Variants in DENND2D observed in about 807,000 individuals in gnomAD.
DENND2D encodes DENN domain containing 2D.
DENND2D carries 37 observed loss-of-function variants against 59.8 expected under a neutral mutation model. The ratio of observed to expected loss-of-function variants is 0.62; its 90% CI spans 0.48 to 0.81. The LOEUF is 0.81. Among genes scored for constraint, DENND2D ranks in the 40% least tolerant of loss-of-function variants. The pLI is 0.00. For missense variants in DENND2D, 525 were observed against 579.7 expected (o/e 0.91, Z 0.97); for synonymous variants, 219 against 211.3 (o/e 1.04, Z -0.31).
At chr1:111,190,172 A>AAAAAC (rs1553241771) in intron 8 of DENND2D, among the ~76,000 whole-genome samples, 1 of 149,966 alleles carries the variant, frequency 6.7e-6, no homozygotes, top group Non-Finnish European at 1.5e-5. Flanking sequence ...TCAAAAAAAA[A>AAAAAC]AAAAAAAAAA....
At chr1:111,188,957 A>G (rs1361909781) in intron 9 of DENND2D, among the ~76,000 whole-genome samples, 171 bp from the exon 10 acceptor site, 1 of 152,218 alleles carries the variant, frequency 6.6e-6, no homozygotes, top group Admixed American at 6.5e-5. Flanking sequence ...GACTCTAGAC[A>G]TTAGCAAGGG....
In DENND2D at chr1:111,192,438, C is replaced by T. The variant is rs1427528476; in HGVS notation, c.795-121G>A. 26 of 1,090,458 alleles carry T rather than the reference C, an allele frequency of 2.4e-5. No homozygotes were observed. The Admixed American group carries it at 5.1e-4, about 21-fold the overall frequency. 67.5% of individuals were successfully genotyped at this position (1,090,458 alleles called of 1,614,324 possible). On this transcript the variant is annotated intron_variant, in intron 7 of 11. Coordinates refer to ENST00000357640, the MANE Select transcript of DENND2D (RefSeq NM_024901.5). ...CTGCCCATGCCCATGGGCAGAAAGGCAAGTCTGGGGGCCATGCTGGTCACA... is the reference window on the plus strand; with the variant it reads ...CTGCCCATGCCCATGGGCAGAAAGGTAAGTCTGGGGGCCATGCTGGTCACA...
rs1658564713 is a variant in DENND2D, at chr1:111,199,283, G to C, written c.243+340C>G. On this transcript the variant is annotated intron_variant, in intron 2 of 11. Coordinates refer to ENST00000357640, the MANE Select transcript of DENND2D (RefSeq NM_024901.5). ...CATCCCAGAGAGGGGATTCATTCTAGGAGTTCTGGCAGAAGGTAAGCTTCT... is the reference window on the plus strand; with the variant it reads ...CATCCCAGAGAGGGGATTCATTCTACGAGTTCTGGCAGAAGGTAAGCTTCT... 2.0e-5 allele frequency among the ~76,000 whole-genome samples: 3 copies of C among 152,190 alleles called. No homozygotes were observed. The South Asian group carries it at 6.2e-4, about 32-fold the overall frequency.
Position 111,197,266 on chromosome 1 carries a change from A to G in DENND2D, c.427-13T>C, listed in dbSNP as rs1218911773. The G allele has an allele frequency of 6.2e-7, 1 of 1,608,614 alleles. No individual in the cohort carries two copies. The highest frequency in any genetic ancestry group is 8.5e-7 in the Non-Finnish European group (1 of 1,178,050). Reference sequence around the variant, plus strand: ...CAGGGCCGGCAGGCTGGGGAGGGACAGAGAGGCTCCTTCAGTGCTGCAGCC... The same window carrying G: ...CAGGGCCGGCAGGCTGGGGAGGGACGGAGAGGCTCCTTCAGTGCTGCAGCC... On this transcript the variant is annotated splice_polypyrimidine_tract_variant and intron_variant, in intron 4 of 11. Transcript: ENST00000357640.
chr1:111,202,602 C>T (rs964002622), upstream of DENND2D, among the ~76,000 whole-genome samples: 1 of 151,902 alleles, frequency 6.6e-6, no homozygotes, highest in Non-Finnish European at 1.5e-5. Context: ...GTGAGGGGAC[C>T]TTCTGGAACC....
At chr1:111,196,993 A>G (rs552169227) in intron 5 of DENND2D, 183 bp downstream of exon 5, 2 of 658,016 alleles carry the variant, frequency 3.0e-6, no homozygotes, top group South Asian at 3.8e-5. Context: ...AGTCCCCTAG[A>G]TTCAATTTCC....
rs1173746137 is a variant in DENND2D, at chr1:111,198,003, G to A, written c.357-14C>T. 3 of 1,612,702 alleles carry A rather than the reference G, an allele frequency of 1.9e-6. No homozygotes were observed. Among genetic ancestry groups the A allele is most frequent in the Non-Finnish European group, 1.7e-6 (2 of 1,179,208 alleles). On this transcript the variant is annotated splice_polypyrimidine_tract_variant and intron_variant, in intron 3 of 11. Coordinates refer to ENST00000357640, the MANE Select transcript of DENND2D (RefSeq NM_024901.5). ...GAGAAGGTCTCCCTAAGAAAGAGCA[G>A]ACAAGGCTTGATTTGTATTGCTCAC...
intron 1 of DENND2D, 56 bp downstream of exon 1, chr1:111,200,337 A>C: frequency 6.3e-7 from 1 of 1,579,110 alleles, no homozygotes; most frequent in Non-Finnish European, 8.6e-7. Flanking sequence ...AGGAAGAAAC[A>C]GTCCCGCCTA....
upstream of DENND2D, chr1:111,204,180 C>T: frequency 8.6e-7 from 1 of 1,168,348 alleles, no homozygotes; most frequent in Non-Finnish European, 1.1e-6. Context: ...CCCCTTCCAA[C>T]TGCTCCCGGA....
At chr1:111,197,411 A>G in intron 4 of DENND2D, 158 bp from the exon 5 acceptor site, 3 of 1,455,346 alleles carry the variant, frequency 2.1e-6, no homozygotes, top group Non-Finnish European at 2.7e-6. Context: ...CATCAAAAGA[A>G]GAAATCCTTG....
At position 111,187,571 on chromosome 1, in the gene DENND2D, G is replaced by A; in HGVS notation, c.*34C>T. The A allele has an allele frequency of 2.5e-6, 4 of 1,576,224 alleles. No homozygotes were observed. The highest frequency in any genetic ancestry group is 3.5e-6 in the Non-Finnish European group (4 of 1,146,034). On this transcript the variant is annotated 3_prime_UTR_variant, in exon 12 of 12. Coordinates refer to ENST00000357640, the MANE Select transcript of DENND2D (RefSeq NM_024901.5). ...GCAGGGGCTGAAGTCCAGAAATGGT[G>A]TGTAGCTCTAGTCATTCTTATTCAC...
intron 6 of DENND2D, chr1:111,195,111 C>T (rs1658106780): frequency 5.3e-6 from 1 of 189,006 alleles, no homozygotes; most frequent in African/African-American, 2.3e-5. Flanking sequence ...CCATGTGATA[C>T]TTTCCCATCT....
At chr1:111,192,078 G>A in intron 8 of DENND2D, 62 bp downstream of exon 8, 1 of 1,424,054 alleles carries the variant, frequency 7.0e-7, no homozygotes, top group East Asian at 2.5e-5. Flanking sequence ...AAGCAGCAGA[G>A]CTGGGATCTG....
chr1:111,200,112 G>A, intron 1 of DENND2D: 1 of 560,844 alleles, frequency 1.8e-6, no homozygotes, highest in Non-Finnish European at 3.1e-6. Context: ...TAACCTGTCG[G>A]GTGCTTCTGG....
chr1:111,197,815 A>G (rs2101493303), intron 4 of DENND2D, 105 bp downstream of exon 4: 1 of 1,559,204 alleles, frequency 6.4e-7, no homozygotes, highest in East Asian at 2.3e-5. Flanking sequence ...TTCTACAACC[A>G]GTGCTGCCAA....
Position 111,188,684 on chromosome 1 carries a change from A to T in DENND2D, c.1099+18T>A. On this transcript the variant is annotated intron_variant, in intron 10 of 11. Transcript: ENST00000357640. ...CTTGCACTGCCTGGAGAGACCCAAA[A>T]TAAGAGTAAGGACTTACTCTTTAAC... 1 of 1,597,758 alleles carries T rather than the reference A, an allele frequency of 6.3e-7. No homozygotes were observed. The highest frequency in any genetic ancestry group is 8.6e-7 in the Non-Finnish European group (1 of 1,165,086).
chr1:111,195,696 T>C, intron 6 of DENND2D: 1 of 555,558 alleles, frequency 1.8e-6, no homozygotes, highest in South Asian at 2.0e-5. Context: ...ATAAAAGTCT[T>C]GGTGGCTTGA....
chr1:111,192,722 CTGACCCTGCTTTTAAGGAATTCACAG>C (rs1349760928), intron 7 of DENND2D, among the ~76,000 whole-genome samples: 1 of 152,190 alleles, frequency 6.6e-6, no homozygotes, highest in Non-Finnish European at 1.5e-5. Context: ...GAGTAAGACA[CTGACCCTGCTTTTAAGGAATTCACAG>C]TGTAGTTAAG....
upstream of DENND2D, chr1:111,200,651 G>C: frequency 2.9e-6 from 4 of 1,373,678 alleles, no homozygotes; most frequent in Non-Finnish European, 3.8e-6. Flanking sequence ...GGATGTGACG[G>C]GACCCAGGAA....
Sources: gnomAD v4.1 joint callset for allele counts (sites outside exome capture counted in the v4.1 genomes callset) on GRCh38, gnomAD v4.1.1 for gene constraint, MANE v1.5 for transcripts, NCBI Gene and HGNC (gene_info 2026-07-23, HGNC 2026-07-21) for gene names.